ARID2: variants seen among roughly 807,000 people sequenced by gnomAD.
ARID2 encodes AT-rich interaction domain 2, also known as AT-rich interactive domain-containing protein 2.
A neutral mutation model predicts 184.6 loss-of-function variants in ARID2; 32 were observed. That is an observed-to-expected ratio of 0.17 (90% CI 0.13 to 0.23). The LOEUF (loss-of-function observed/expected upper bound fraction) is 0.23, where lower values mean the gene tolerates loss of function less well. Among genes scored for constraint, ARID2 ranks in the 10% least tolerant of loss-of-function variants. The pLI is 1.00. For synonymous variants in ARID2, 836 were observed against 772.6 expected, an observed-to-expected ratio of 1.08 and a Z score of -1.36; for missense variants, 1,696 against 2,197.6, an observed-to-expected ratio of 0.77 and a Z score of 4.56.
intron 3 of ARID2, among the ~76,000 whole-genome samples, chr12:45,801,730 A>G (rs915598729): frequency 1.3e-5 from 2 of 152,200 alleles, no homozygotes; most frequent in African/African-American, 4.8e-5. Context: ...TGTCAAGGTC[A>G]TGAAAAACAA....
intron 3 of ARID2, among the ~76,000 whole-genome samples, chr12:45,785,496 A>G (rs891551660): frequency 1.3e-5 from 2 of 152,170 alleles, no homozygotes; most frequent in African/African-American, 2.4e-5. Flanking sequence ...GTGAAAGAGC[A>G]ATGAACTATG....
At chr12:45,855,962 C>G (rs1210695416) in intron 15 of ARID2, among the ~76,000 whole-genome samples, 1 of 151,694 alleles carries the variant, frequency 6.6e-6, no homozygotes, top group Non-Finnish European at 1.5e-5. Flanking sequence ...TCCTAGCAGA[C>G]TTGAGTGATC....
At chr12:45,865,400 G>A (rs1943816045) in intron 16 of ARID2, among the ~76,000 whole-genome samples, 1 of 152,020 alleles carries the variant, frequency 6.6e-6, no homozygotes, top group Non-Finnish European at 1.5e-5. Context: ...GTCTTTTAAA[G>A]TAAACAGACA....
chr12:45,792,468 T>C (rs1433827143), intron 3 of ARID2, among the ~76,000 whole-genome samples: 6 of 152,208 alleles, frequency 3.9e-5, no homozygotes. Flanking sequence ...ATATATTCTA[T>C]CTGTGCTTAA....
In ARID2 at chr12:45,734,310, A is replaced by G. The variant is rs927285777; in HGVS notation, c.284+2996A>G. ...CTTGAGCCCGGGAGTCGGAGGTTGC[A>G]GTGAGCGGAGATCGTGCTACTGCAC... On this transcript the variant is annotated intron_variant, in intron 3 of 20. Transcript: ENST00000334344. Among the ~76,000 whole-genome samples, 10 of 152,296 alleles carry G rather than the reference A, an allele frequency of 6.6e-5. No individual in the cohort carries two copies. The South Asian group carries it at 1.5e-3, about 22-fold the overall frequency.
chr12:45,876,324 G>T (rs1266124366), intron 16 of ARID2, among the ~76,000 whole-genome samples: 2 of 152,184 alleles, frequency 1.3e-5, no homozygotes, highest in East Asian at 3.9e-4. Context: ...GCCGAGGCGG[G>T]TGGATCACGT....
At chr12:45,739,830 G>A (rs891344071) in intron 3 of ARID2, among the ~76,000 whole-genome samples, 1 of 152,082 alleles carries the variant, frequency 6.6e-6, no homozygotes, top group Non-Finnish European at 1.5e-5. Flanking sequence ...TATTACAATA[G>A]GTCAAGGAAG....
At chr12:45,832,318 C>T (rs1433158585) in intron 6 of ARID2, among the ~76,000 whole-genome samples, 1 of 152,052 alleles carries the variant, frequency 6.6e-6, no homozygotes, top group Non-Finnish European at 1.5e-5. Context: ...CTCTTTATTA[C>T]TGATATTTAA....
At chr12:45,736,968 G>C (rs1165524301) in intron 3 of ARID2, among the ~76,000 whole-genome samples, 1 of 152,150 alleles carries the variant, frequency 6.6e-6, no homozygotes, top group Admixed American at 6.5e-5. Context: ...AATTACTTGT[G>C]CACCAACCTA....
chr12:45,739,802 T>C (rs1191293708), intron 3 of ARID2, among the ~76,000 whole-genome samples: 2 of 152,148 alleles, frequency 1.3e-5, no homozygotes, highest in African/African-American at 4.8e-5. Context: ...ATACATGAGA[T>C]CAGTGGGAAC....
Position 45,852,654 on chromosome 12 carries a change from G to C in ARID2, c.4531G>C (p.Glu1511Gln), listed in dbSNP as rs1390057319. 1.9e-6 allele frequency: 3 copies of C among 1,614,044 alleles called. No individual in the cohort carries two copies. In the African/African-American group the frequency reaches 4.0e-5, roughly 22 times the overall value. Residue 1511 changes from glutamate to glutamine, a missense_variant, in exon 15 of 21, where the codon GAA becomes CAA. Coordinates refer to ENST00000334344, the MANE Select transcript of ARID2 (RefSeq NM_152641.4). Reference protein sequence around the residue: ...SDVRSTNGTAECKTVKRPAED... With the variant: ...SDVRSTNGTAQCKTVKRPAED... ...CGTTCGGTCTACAAATGGCACAGCA[G>C]AATGCAAAACTGTAAAGAGGCCAGC...
At chr12:45,743,975 T>G (rs1434013358) in intron 3 of ARID2, among the ~76,000 whole-genome samples, 1 of 152,204 alleles carries the variant, frequency 6.6e-6, no homozygotes, top group Non-Finnish European at 1.5e-5. Flanking sequence ...CTAAATTGTT[T>G]TATAGTTTTG....
Position 45,817,713 on chromosome 12 carries a change from G to A in ARID2, c.462G>A (p.Ser154=), listed in dbSNP as rs764813543. 7.7e-5 allele frequency: 124 copies of A among 1,611,164 alleles called. No individual in the cohort carries two copies. The highest frequency in any genetic ancestry group is 5.8e-4 in the African/African-American group (43 of 74,596). ...QSYGLSMDFN[S]PNDYNKLVLS... ...ATGGGCTGTCCATGGACTTTAATTCGCCAAATGATTATAATAAATTGGTGC... is the reference window on the plus strand; with the variant it reads ...ATGGGCTGTCCATGGACTTTAATTCACCAAATGATTATAATAAATTGGTGC... Residue 154 remains serine (S), a synonymous_variant, in exon 5 of 21, where the codon TCG becomes TCA. Coordinates refer to ENST00000334344, the MANE Select transcript of ARID2 (RefSeq NM_152641.4).
At chr12:45,747,428 T>A (rs937693144) in intron 3 of ARID2, among the ~76,000 whole-genome samples, 6 of 152,142 alleles carry the variant, frequency 3.9e-5, no homozygotes, top group African/African-American at 1.4e-4. Flanking sequence ...TGAGTTATAG[T>A]GTACTGCTCC....
At chr12:45,732,138 G>A (rs2137964417) in intron 3 of ARID2, among the ~76,000 whole-genome samples, 2 of 151,580 alleles carry the variant, frequency 1.3e-5, no homozygotes, top group African/African-American at 4.8e-5. Flanking sequence ...ATGATGCTGT[G>A]TTTTATTTTT....
intron 16 of ARID2, chr12:45,881,209 A>T (rs1191364284): frequency 6.5e-6 from 1 of 153,442 alleles, no homozygotes; most frequent in Non-Finnish European, 1.5e-5. Flanking sequence ...TGTTCTTAAA[A>T]CCAGTATCCT....
intron 3 of ARID2, among the ~76,000 whole-genome samples, chr12:45,739,438 C>CT (rs71067906): frequency 0.66 from 59,710 of 90,358 alleles, 22,784 homozygotes; most frequent in East Asian, 0.82. Context: ...TATAAAGTTA[C>CT]TTTTTTTTTT....
chr12:45,860,555 A>G (rs1943725151), intron 15 of ARID2, among the ~76,000 whole-genome samples: 1 of 151,800 alleles, frequency 6.6e-6, no homozygotes, highest in Non-Finnish European at 1.5e-5. Flanking sequence ...AATAATATAT[A>G]TTTTATAGTG....
At chr12:45,778,433 A>G (rs898312476) in intron 3 of ARID2, among the ~76,000 whole-genome samples, 3 of 152,196 alleles carry the variant, frequency 2.0e-5, no homozygotes, top group Non-Finnish European at 4.4e-5. Flanking sequence ...CATAAGTTGA[A>G]TGTATGTTAG....
Sources: allele counts gnomAD v4.1 joint callset (sites outside exome capture counted in the v4.1 genomes callset), GRCh38; gene constraint gnomAD v4.1.1; transcripts MANE v1.5; gene names NCBI Gene and HGNC (gene_info 2026-07-23, HGNC 2026-07-21).